Variants in BCL2L1 observed in about 807,000 individuals in gnomAD.
BCL2L1 encodes bcl-2-like protein 1.
BCL2L1 carries 1 observed loss-of-function variant against 18.7 expected under a neutral mutation model. The ratio of observed to expected loss-of-function variants is 0.05; its 90% CI spans 0.02 to 0.25. The LOEUF (loss-of-function observed/expected upper bound fraction) is 0.25. Ranked by LOEUF, BCL2L1 falls within the 10% of genes least tolerant of loss-of-function variation. The pLI, the probability that BCL2L1 is intolerant of heterozygous loss-of-function variation, is 1.00. For missense variants in BCL2L1, 207 were observed against 304.9 expected (o/e 0.68, Z 2.39); for synonymous variants, 103 against 122.7 (o/e 0.84, Z 1.06).
chr20:31,699,536 T>C (rs1416924503), intron 2 of BCL2L1, among the ~76,000 whole-genome samples: 2 of 152,230 alleles, frequency 1.3e-5, no homozygotes, highest in African/African-American at 4.8e-5. Context: ...GGGAGTACAG[T>C]AGGTGTCCTT....
intron 2 of BCL2L1, among the ~76,000 whole-genome samples, chr20:31,708,181 G>A (rs2061399535): frequency 1.3e-5 from 2 of 152,242 alleles, no homozygotes; most frequent in African/African-American, 4.8e-5. Flanking sequence ...CTCAAGGGAA[G>A]AAGTTTGTGA....
chr20:31,666,215 G>T lies in BCL2L1; in HGVS notation c.565-129C>A, dbSNP rs41293088. 3.8e-3 allele frequency: 4,693 copies of T among 1,224,200 alleles called. 14 individuals are homozygous for T. The highest frequency in any genetic ancestry group is 0.016 in the Middle Eastern group (71 of 4,430). The allele number at this position is 1,224,200 out of a possible 1,614,324, so 75.8% of individuals were successfully genotyped here. A position where few individuals can be genotyped will look rare whatever the true frequency, so the allele number is the denominator to read the frequency against. On this transcript the variant is annotated intron_variant, in intron 2 of 2. Coordinates refer to ENST00000307677, the MANE Select transcript of BCL2L1 (RefSeq NM_138578.3). Reference sequence around the variant, plus strand: ...ACTGTAGCCATCTGTGCCCACTCTGGGCCAGGTAAAGGGCTAAGGGTGGTC... The same window carrying T: ...ACTGTAGCCATCTGTGCCCACTCTGTGCCAGGTAAAGGGCTAAGGGTGGTC...
chr20:31,718,651 G>A (rs1399390213), intron 2 of BCL2L1, among the ~76,000 whole-genome samples: 2 of 143,168 alleles, frequency 1.4e-5, no homozygotes, highest in African/African-American at 2.6e-5. Flanking sequence ...GCGAGACTCC[G>A]TCTCAAAAAA....
chr20:31,669,072 T>G (rs575358612), intron 2 of BCL2L1, among the ~76,000 whole-genome samples: 125 of 152,242 alleles, frequency 8.2e-4, no homozygotes, highest in Non-Finnish European at 1.4e-3. Context: ...TTTTAAATTT[T>G]TGTGACAGTG....
intron 2 of BCL2L1, among the ~76,000 whole-genome samples, chr20:31,671,781 GTATATAGTA>G (rs1283057560): frequency 6.6e-6 from 1 of 151,422 alleles, no homozygotes; most frequent in Non-Finnish European, 1.5e-5. Flanking sequence ...GAGATATAGA[GTATATAGTA>G]TATATAGTAT....
chr20:31,713,569 A>G, intron 2 of BCL2L1: 1 of 985,370 alleles, frequency 1.0e-6, no homozygotes, highest in Non-Finnish European at 1.2e-6. Context: ...TGTGGCTCAG[A>G]GTTCACTGTA....
At chr20:31,669,297 G>C (rs949970588) in intron 2 of BCL2L1, among the ~76,000 whole-genome samples, 4 of 149,546 alleles carry the variant, frequency 2.7e-5, no homozygotes, top group Non-Finnish European at 6.0e-5. Context: ...TGGGCTCAAG[G>C]GATCCTTCTG....
At chr20:31,666,956 G>A (rs979414659) in intron 2 of BCL2L1, among the ~76,000 whole-genome samples, 1 of 152,164 alleles carries the variant, frequency 6.6e-6, no homozygotes, top group African/African-American at 2.4e-5. Context: ...GGAGAAGGAC[G>A]CTTAGAACAT....
chr20:31,672,585 G>T (rs994725217), intron 2 of BCL2L1, among the ~76,000 whole-genome samples: 2 of 152,186 alleles, frequency 1.3e-5, no homozygotes, highest in Admixed American at 1.3e-4. Flanking sequence ...CCAACAGTCT[G>T]GGGGCTCAGT....
chr20:31,683,878 C>T (rs1037698225), intron 2 of BCL2L1, among the ~76,000 whole-genome samples: 11 of 145,672 alleles, frequency 7.6e-5, no homozygotes, highest in African/African-American at 2.7e-4. Context: ...AGACACTTAG[C>T]AAATATTTGC....
At chr20:31,710,396 G>C (rs768872156) in intron 2 of BCL2L1, among the ~76,000 whole-genome samples, 19 of 152,238 alleles carry the variant, frequency 1.2e-4, no homozygotes, top group Non-Finnish European at 2.5e-4. Flanking sequence ...TCTTCATTAA[G>C]AGATTAGTAT....
intron 2 of BCL2L1, among the ~76,000 whole-genome samples, chr20:31,719,205 A>G (rs1437960390): frequency 1.3e-5 from 2 of 152,196 alleles, no homozygotes; most frequent in Non-Finnish European, 2.9e-5. Context: ...TGCTCAAGAA[A>G]CACTGGTTGC....
intron 2 of BCL2L1, chr20:31,720,658 G>A (rs768754705): frequency 8.2e-4 from 807 of 981,150 alleles, no homozygotes; most frequent in Non-Finnish European, 9.0e-4. Flanking sequence ...ACAATACACT[G>A]TAAGGCAAGG....
intron 2 of BCL2L1, among the ~76,000 whole-genome samples, chr20:31,669,157 A>G (rs1394534874): frequency 6.6e-6 from 1 of 151,250 alleles, no homozygotes; most frequent in Non-Finnish European, 1.5e-5. Flanking sequence ...CTGGGCTCAG[A>G]TGATCCTCCT....
intron 2 of BCL2L1, 58 bp downstream of exon 2, chr20:31,721,596 GT>G: frequency 6.6e-7 from 1 of 1,515,084 alleles, no homozygotes; most frequent in Non-Finnish European, 8.9e-7. Context: ...AAGAAGGGCT[GT>G]TGGGGATCTC....
chr20:31,669,150 G>A (rs759875450), intron 2 of BCL2L1, among the ~76,000 whole-genome samples: 1 of 151,842 alleles, frequency 6.6e-6, no homozygotes, highest in Non-Finnish European at 1.5e-5. Context: ...TGACCTCCTG[G>A]GCTCAGATGA....
chr20:31,675,523 T>A (rs2060745147), intron 2 of BCL2L1, among the ~76,000 whole-genome samples: 1 of 152,142 alleles, frequency 6.6e-6, no homozygotes, highest in African/African-American at 2.4e-5. Context: ...AGGTTTGTGG[T>A]TGGAATCCAC....
chr20:31,691,003 T>C (rs773292743), intron 2 of BCL2L1, among the ~76,000 whole-genome samples: 6 of 146,368 alleles, frequency 4.1e-5, no homozygotes, highest in Non-Finnish European at 9.0e-5. Context: ...ATAAAAAAAA[T>C]TAGCCAGGCA....
rs56937786 is a variant in BCL2L1, at chr20:31,709,840, CAAAAAAAAAA to C, written c.564+11805_564+11814del. On this transcript the variant is annotated intron_variant, in intron 2 of 2. Transcript: ENST00000307677. ...ACTGAGCAAGAGCAAGACTCCATCTCAAAAAAAAAAAAAAAAAAAAAAAAAAGAAGAGACA... is the reference window on the plus strand; with the variant it reads ...ACTGAGCAAGAGCAAGACTCCATCTCAAAAAAAAAAAAAAAAGAAGAGACA... 5.3e-4 allele frequency among the ~76,000 whole-genome samples: 34 copies of C among 64,070 alleles called. 1 individual carries two copies. The highest frequency in any genetic ancestry group is 4.2e-4 in the African/African-American group (10 of 23,534). The allele number at this position is 64,070 out of a possible 152,430, so 42.0% of individuals were successfully genotyped here.
Sources: allele counts gnomAD v4.1 joint callset (sites outside exome capture counted in the v4.1 genomes callset), GRCh38; gene constraint gnomAD v4.1.1; transcripts MANE v1.5; gene names NCBI Gene and HGNC (gene_info 2026-07-23, HGNC 2026-07-21).